The following GLCCI1 variants were observed in gnomAD, a reference collection of about 807,000 sequenced individuals.
GLCCI1 encodes glucocorticoid-induced transcript 1 protein.
In GLCCI1, 24 loss-of-function variants were observed where a neutral mutation model predicts 52.2. The observed-to-expected ratio is 0.46, with a 90% CI of 0.33 to 0.65. The LOEUF is 0.65. Among genes scored for constraint, GLCCI1 ranks in the 30% least tolerant of loss-of-function variants. GLCCI1 has a pLI of 0.02. For synonymous variants in GLCCI1, 310 were observed against 276.5 expected, an observed-to-expected ratio of 1.12 and a Z score of -1.20; for missense variants, 704 against 701.5, an observed-to-expected ratio of 1.00 and a Z score of -0.04.
intron 3 of GLCCI1, among the ~76,000 whole-genome samples, chr7:8,023,754 A>G (rs1299810043): frequency 1.3e-5 from 2 of 151,536 alleles, no homozygotes; most frequent in Non-Finnish European, 2.9e-5. Context: ...ATGTGCCACC[A>G]TGTCCAGCTA....
intron 3 of GLCCI1, among the ~76,000 whole-genome samples, chr7:8,050,644 T>C (rs931340727): frequency 3.3e-5 from 5 of 152,228 alleles, no homozygotes; most frequent in African/African-American, 7.2e-5. Flanking sequence ...GAAGGAGTTA[T>C]CTCAGTTCAG....
Position 8,053,424 on chromosome 7 carries a change from G to A in GLCCI1, c.697-2009G>A, listed in dbSNP as rs142565956. On this transcript the variant is annotated intron_variant, in intron 3 of 7. Coordinates refer to ENST00000223145, the MANE Select transcript of GLCCI1 (RefSeq NM_138426.4). The stretch of plus-strand genomic sequence containing the variant: ...CTGCAACCTCCCCCTCCAGGTTCAA[G>A]CAATTCTTTTGCCTCAGCCTCCCAA... 5.3e-3 allele frequency among the ~76,000 whole-genome samples: 794 copies of A among 150,188 alleles called. 7 individuals carry two copies. Among genetic ancestry groups the A allele is most frequent in the African/African-American group, 0.018 (748 of 40,780 alleles).
rs1360091217 is a variant in GLCCI1 at position 8,022,804 on chromosome 7, C to A, written c.696+235C>A. The A allele has an allele frequency of 2.7e-5, 6 of 223,918 alleles. No homozygotes were observed. The East Asian group carries it at 5.0e-4, about 19-fold the overall frequency. 13.9% of individuals were successfully genotyped at this position (223,918 alleles called of 1,614,324 possible). A position where few individuals can be genotyped will look rare whatever the true frequency, so the allele number is the denominator to read the frequency against. On this transcript the variant is annotated intron_variant, in intron 3 of 7. Transcript: ENST00000223145. The stretch of plus-strand genomic sequence containing the variant: ...TTTTGGTGAACAAGTCTAAATTTAC[C>A]CTATTTGTGTATTTTGCGTCTTTTA...
At chr7:8,085,598 GGAGGGTGCAGT>G (rs1238342598) in intron 7 of GLCCI1, among the ~76,000 whole-genome samples, 2 of 152,168 alleles carry the variant, frequency 1.3e-5, no homozygotes, top group Non-Finnish European at 2.9e-5. Flanking sequence ...GGTGCCTAGT[GGAGGGTGCAGT>G]GCTCTTGCAA....
chr7:8,060,590 C>A (rs759081216), intron 5 of GLCCI1, among the ~76,000 whole-genome samples: 3 of 152,126 alleles, frequency 2.0e-5, no homozygotes, highest in Non-Finnish European at 4.4e-5. Context: ...TACAACGTGG[C>A]CTTCTTAACT....
Position 8,087,143 on chromosome 7 carries a change from CTT to C in GLCCI1, c.*608_*609del, listed in dbSNP as rs1383065808. On this transcript the variant is annotated 3_prime_UTR_variant, in exon 8 of 8. Transcript: ENST00000223145. ...AAAAAGCTAAAGAGGGAACATCACT[CTT>C]TTGCCTTTCCTTATTTTATGCATTT... 6.6e-6 allele frequency: 1 copy of C among 152,638 alleles called. No individual in the cohort carries two copies. Among genetic ancestry groups the C allele is most frequent in the African/African-American group, 2.4e-5 (1 of 41,454 alleles). The allele number at this position is 152,638 out of a possible 1,614,324, so 9.5% of individuals were successfully genotyped here.
chr7:8,041,556 A>G (rs923581303), intron 3 of GLCCI1, among the ~76,000 whole-genome samples: 8 of 152,196 alleles, frequency 5.3e-5, no homozygotes, highest in African/African-American at 1.7e-4. Flanking sequence ...CCTGGCTTCA[A>G]AGCTTTAAAG....
chr7:8,022,691 G>A, intron 3 of GLCCI1, 122 bp downstream of exon 3: 1 of 422,094 alleles, frequency 2.4e-6, no homozygotes, highest in Non-Finnish European at 4.1e-6. Flanking sequence ...GTAAGGTTAG[G>A]ACAAATTCTA....
chr7:8,083,013 T>C (rs1783029554), intron 6 of GLCCI1, among the ~76,000 whole-genome samples: 1 of 152,204 alleles, frequency 6.6e-6, no homozygotes, highest in Admixed American at 6.5e-5. Context: ...GGTATCAAGC[T>C]GATGCTAATG....
chr7:8,016,229 G>A (rs866445573), intron 2 of GLCCI1, among the ~76,000 whole-genome samples: 5 of 152,330 alleles, frequency 3.3e-5, no homozygotes, highest in Non-Finnish European at 4.4e-5. Context: ...CAGCACTTTG[G>A]GAGACCGAGG....
chr7:8,085,728 C>A (rs1354762392), intron 7 of GLCCI1, among the ~76,000 whole-genome samples: 1 of 70,508 alleles, frequency 1.4e-5, no homozygotes, highest in Admixed American at 1.5e-4. Context: ...TTTTGAGAGA[C>A]CACTGAAACT....
intron 4 of GLCCI1, among the ~76,000 whole-genome samples, chr7:8,056,156 C>T (rs748092101): frequency 6.6e-6 from 1 of 151,782 alleles, no homozygotes; most frequent in African/African-American, 2.4e-5. Flanking sequence ...AAAAATTAGC[C>T]AGACTGGTGG....
intron 1 of GLCCI1, among the ~76,000 whole-genome samples, chr7:7,976,851 G>T (rs572524745): frequency 1.3e-5 from 2 of 151,728 alleles, no homozygotes; most frequent in African/African-American, 4.8e-5. Context: ...GAGCCCAGGC[G>T]GCAGAGGTTA....
chr7:8,024,879 T>C (rs10278726), intron 3 of GLCCI1: 86,088 of 152,082 alleles, frequency 0.57, 24,446 homozygotes, highest in Middle Eastern at 0.63. Flanking sequence ...TCCCTAGCTC[T>C]GTCGCATAGC....
intron 1 of GLCCI1, chr7:7,981,895 C>T (rs1225327107): frequency 6.5e-6 from 3 of 463,906 alleles, no homozygotes; most frequent in Non-Finnish European, 1.3e-5. Context: ...CACTCACACA[C>T]AAGTAAAAAT....
At chr7:7,983,383 A>G (rs1007722952) in intron 1 of GLCCI1, among the ~76,000 whole-genome samples, 81 of 152,182 alleles carry the variant, frequency 5.3e-4, no homozygotes, top group African/African-American at 1.7e-3. Context: ...CAGTAGCTGA[A>G]TCTTTGATTA....
intron 2 of GLCCI1, among the ~76,000 whole-genome samples, chr7:8,016,175 A>T (rs1781373017): frequency 6.6e-6 from 1 of 152,230 alleles, no homozygotes; most frequent in African/African-American, 2.4e-5. Context: ...ATTATGCCTT[A>T]ACAGTTAAGA....
rs111901325 is a variant in GLCCI1 at position 8,006,524 on chromosome 7, T to C, written c.609+2465T>C. 2.6e-4 allele frequency among the ~76,000 whole-genome samples: 39 copies of C among 152,342 alleles called. 1 individual carries two copies. The highest frequency in any genetic ancestry group is 5.8e-4 in the African/African-American group (24 of 41,578). On this transcript the variant is annotated intron_variant, in intron 2 of 7. Coordinates refer to ENST00000223145, the MANE Select transcript of GLCCI1 (RefSeq NM_138426.4). ...TATTGAAGGTAAATTTGGCAAATAC[T>C]ATATACACATTTAAGTTAGTAGTAG... is the stretch of plus-strand genomic sequence containing the variant.
intron 3 of GLCCI1, among the ~76,000 whole-genome samples, chr7:8,023,102 A>G (rs186631724): frequency 2.6e-5 from 4 of 152,040 alleles, no homozygotes; most frequent in Admixed American, 2.6e-4. Context: ...TGCAAGCTCC[A>G]CCTCCCAGGT....
Sources: gnomAD v4.1 joint callset for allele counts (sites outside exome capture counted in the v4.1 genomes callset) on GRCh38, gnomAD v4.1.1 for gene constraint, MANE v1.5 for transcripts, NCBI Gene and HGNC (gene_info 2026-07-23, HGNC 2026-07-21) for gene names.